WNK1: variants seen among roughly 807,000 people sequenced by gnomAD.
WNK1 encodes WNK lysine deficient protein kinase 1, also known as serine/threonine-protein kinase WNK1.
In WNK1, 38 loss-of-function variants were observed where a neutral mutation model predicts 222.8. That is an observed-to-expected ratio of 0.17 (90% CI 0.13 to 0.22). The LOEUF is 0.22. Among genes scored for constraint, WNK1 ranks in the 10% least tolerant of loss-of-function variants. WNK1 has a pLI of 1.00. For synonymous variants in WNK1, 1,090 were observed against 1,092.9 expected (o/e 1.00, Z 0.05); for missense variants, 2,348 against 2,918.4 (o/e 0.80, Z 4.50).
chr12:901,515 G>C, intron 26 of WNK1: 8 of 1,252,082 alleles, frequency 6.4e-6, no homozygotes, highest in Non-Finnish European at 7.3e-6. Flanking sequence ...GTTGTGTTCT[G>C]TCTCTTCTCC....
At chr12:821,505 A>G (rs565226490) in intron 2 of WNK1, among the ~76,000 whole-genome samples, 3 of 152,336 alleles carry the variant, frequency 2.0e-5, no homozygotes, top group South Asian at 4.1e-4. Flanking sequence ...TTGAGAATAT[A>G]TATTCACTTG....
In WNK1 at chr12:853,884, G is replaced by A. The variant is rs112119216; in HGVS notation, c.1312-3277G>A. Among the ~76,000 whole-genome samples, 198 of 152,132 alleles carry A rather than the reference G, an allele frequency of 1.3e-3. No individual in the cohort carries two copies. The South Asian group carries it at 0.015, about 11-fold the overall frequency. On this transcript the variant is annotated intron_variant, in intron 4 of 27. Coordinates refer to ENST00000315939, the MANE Select transcript of WNK1 (RefSeq NM_018979.4). ...TCTGGCCCAGCCTCCTGAGTAGGTG[G>A]ACCTACAGGCGTATGTGCCGCCACA...
intron 1 of WNK1, among the ~76,000 whole-genome samples, chr12:805,020 T>A (rs1946247813): frequency 6.6e-6 from 1 of 151,222 alleles, no homozygotes; most frequent in Non-Finnish European, 1.5e-5. Flanking sequence ...TGTTTTCTGT[T>A]CATTTGTTGA....
intron 26 of WNK1, chr12:906,396 A>C: frequency 1.0e-6 from 1 of 985,288 alleles, no homozygotes; most frequent in Non-Finnish European, 1.2e-6. Context: ...GAGTTCCTTC[A>C]TCATAACCGC....
At chr12:880,478 A>G (rs995712838) in intron 11 of WNK1, among the ~76,000 whole-genome samples, 5 of 152,190 alleles carry the variant, frequency 3.3e-5, no homozygotes, top group African/African-American at 9.7e-5. Flanking sequence ...TATTTAAATC[A>G]TCTCTAGGTG....
At chr12:864,293 T>G (rs929719449) in intron 8 of WNK1, among the ~76,000 whole-genome samples, 9 of 151,886 alleles carry the variant, frequency 5.9e-5, no homozygotes, top group Non-Finnish European at 8.8e-5. Context: ...TTTTTTTTAG[T>G]AGAGACACAG....
At chr12:890,849 G>A (rs1296528625) in intron 22 of WNK1, among the ~76,000 whole-genome samples, 1 of 152,186 alleles carries the variant, frequency 6.6e-6, no homozygotes, top group Non-Finnish European at 1.5e-5. Context: ...TATAGGGATA[G>A]AAGCTTGAAT....
chr12:884,686 G>A lies in WNK1; in HGVS notation c.3882G>A (p.Leu1294=). 1 of 1,614,166 alleles carries A rather than the reference G, an allele frequency of 6.2e-7. No individual in the cohort carries two copies. The highest frequency in any genetic ancestry group is 1.3e-5 in the African/African-American group (1 of 75,026). The change falls in exon 19 of 28, where the codon TTG becomes TTA. Residue 1294 remains leucine (L), a synonymous_variant. Transcript: ENST00000315939. This position sits in a 1 kb window ranked among gnomAD's most constrained non-coding sequence, Gnocchi z 5.6. The part of the protein sequence containing the change: ...ASTAQSPGMN[L]SHSASSLSLQ... ...CAGCTCAGAGCCCTGGAATGAACTT[G>A]TCTCACTCTGCATCATCCCTTAGTC...
chr12:757,419 G>A (rs1211149000), intron 1 of WNK1, among the ~76,000 whole-genome samples: 1 of 143,470 alleles, frequency 7.0e-6, no homozygotes, highest in East Asian at 2.1e-4. Context: ...TCCGCCTCCT[G>A]GGTTCAAGCG....
At chr12:892,064 T>C (rs997882737) in intron 22 of WNK1, among the ~76,000 whole-genome samples, 10 of 81,930 alleles carry the variant, frequency 1.2e-4, no homozygotes, top group Non-Finnish European at 2.4e-4. Context: ...CTTGGAAATC[T>C]TTTTTTTTTT....
At position 787,186 on chromosome 12, in the gene WNK1, T is replaced by TGGAATTTATA. The variant is rs373980847; in HGVS notation, c.760-26454_760-26453insAATTTATAGG. Among the ~76,000 whole-genome samples, 394 of 152,296 alleles carry TGGAATTTATA rather than the reference T, an allele frequency of 2.6e-3. 2 individuals are homozygous for TGGAATTTATA. The highest frequency in any genetic ancestry group is 8.7e-3 in the African/African-American group (362 of 41,552). On this transcript the variant is annotated intron_variant, in intron 1 of 27. Coordinates refer to ENST00000315939, the MANE Select transcript of WNK1 (RefSeq NM_018979.4). ...AAAATTATTTCTCTACTTTTATAGG[T>TGGAATTTATA]GGTATTGTGGAATGGCAAAGCACAG...
At position 753,713 on chromosome 12, in the gene WNK1, A is replaced by G. The variant is rs1054625011; in HGVS notation, c.148A>G (p.Arg50Gly). ...CGCGGCCGCCGACGCTGTGACCGGC[A>G]GGACCGAGGAGTACAGGCGCCGCCG... is the stretch of plus-strand genomic sequence containing the variant. ...GAAAADAVTGRTEEYRRRRHT... is the reference protein window; with the variant it reads ...GAAAADAVTGGTEEYRRRRHT... Residue 50 changes from arginine (R) to glycine (G), a missense_variant, in exon 1 of 28, where the codon AGG (arginine) becomes GGG (glycine). Arg to Gly is a moderately radical substitution (Grantham distance 125). Around this residue, in one of 13 missense-constraint regions of WNK1, gnomAD observed 108 missense variants for 109.7 expected, o/e 0.98. Coordinates refer to ENST00000315939, the MANE Select transcript of WNK1 (RefSeq NM_018979.4). The surrounding 1 kb of genome is among the most constrained non-coding windows in gnomAD (Gnocchi z 5.2). 1.2e-6 allele frequency: 2 copies of G among 1,612,020 alleles called. No homozygotes were observed. The highest frequency in any genetic ancestry group is 1.3e-5 in the African/African-American group (1 of 75,008).
intron 11 of WNK1, among the ~76,000 whole-genome samples, chr12:880,345 G>A (rs192907037): frequency 1.1e-4 from 17 of 152,234 alleles, no homozygotes; most frequent in Non-Finnish European, 2.2e-4. Flanking sequence ...TAGCCAACAT[G>A]GTATCAACAA....
intron 1 of WNK1, among the ~76,000 whole-genome samples, chr12:760,300 T>C (rs1239817614): frequency 1.4e-5 from 2 of 147,796 alleles, no homozygotes; most frequent in Admixed American, 6.7e-5. Flanking sequence ...TTTTGTCTAA[T>C]CCATTAGTCT....
intron 9 of WNK1, among the ~76,000 whole-genome samples, chr12:873,031 A>G (rs1952290652): frequency 6.6e-6 from 1 of 152,240 alleles, no homozygotes; most frequent in African/African-American, 2.4e-5. Context: ...GCCAACCTTA[A>G]CAAAATCTGT....
At chr12:817,226 ACT>A (rs1947427416) in intron 2 of WNK1, among the ~76,000 whole-genome samples, 1 of 152,110 alleles carries the variant, frequency 6.6e-6, no homozygotes, top group African/African-American at 2.4e-5. Flanking sequence ...AGTCCTAGCT[ACT>A]CTGGAGGCTG....
intron 1 of WNK1, among the ~76,000 whole-genome samples, chr12:779,927 G>A (rs1171169652): frequency 1.3e-5 from 2 of 151,950 alleles, no homozygotes; most frequent in African/African-American, 4.8e-5. Flanking sequence ...TCATAATAAG[G>A]CTCAGTACCT....
At chr12:785,611 G>C (rs940168962) in intron 1 of WNK1, among the ~76,000 whole-genome samples, 8 of 151,830 alleles carry the variant, frequency 5.3e-5, no homozygotes, top group Non-Finnish European at 1.0e-4. Flanking sequence ...GTTCGCCAGG[G>C]TGATCTGGAT....
intron 1 of WNK1, among the ~76,000 whole-genome samples, chr12:785,895 G>T (rs992799572): frequency 2.6e-5 from 4 of 152,134 alleles, no homozygotes; most frequent in African/African-American, 9.7e-5. Flanking sequence ...TTTGCTGATT[G>T]TGGGCCCCAG....
Sources: gnomAD v4.1 joint callset for allele counts (sites outside exome capture counted in the v4.1 genomes callset) on GRCh38, gnomAD v4.1.1 for gene constraint, gnomAD v4.1.1 regional missense constraint, Gnocchi (gnomAD v3.1) non-coding constraint, MANE v1.5 for transcripts, NCBI Gene and HGNC (gene_info 2026-07-23, HGNC 2026-07-21) for gene names.